Variants in CDH17 observed in about 807,000 individuals in gnomAD.
CDH17 encodes cadherin 17.
CDH17 carries 67 observed loss-of-function variants against 86.3 expected under a neutral mutation model. That is an observed-to-expected ratio of 0.78 (90% CI 0.64 to 0.95). The LOEUF (loss-of-function observed/expected upper bound fraction) is 0.95. CDH17 is among the 40% of genes least tolerant of loss of function. The pLI is 0.00. For missense variants in CDH17, 993 were observed against 1,017.6 expected (o/e 0.98, Z 0.33); for synonymous variants, 367 against 366.4 (o/e 1.00, Z -0.02).
chr8:94,133,304 T>G (rs915696148), intron 15 of CDH17, among the ~76,000 whole-genome samples: 1 of 152,206 alleles, frequency 6.6e-6, no homozygotes, highest in Non-Finnish European at 1.5e-5. Flanking sequence ...GAGCATGGAA[T>G]GTTCTTCCAT....
At chr8:94,216,566 T>TTC (rs1563596087) in intron 1 of CDH17, among the ~76,000 whole-genome samples, 1 of 149,836 alleles carries the variant, frequency 6.7e-6, no homozygotes, top group African/African-American at 2.5e-5. Flanking sequence ...AGGGTTTGTT[T>TTC]TTTTTTTTTT....
In CDH17 at chr8:94,128,213, T is replaced by A; in HGVS notation, c.*27A>T. On this transcript the variant is annotated 3_prime_UTR_variant, in exon 18 of 18. Transcript: ENST00000027335. ...GTTGTTGCTGAAATAGCACTTGCTA[T>A]ATAAATTCAAACATTCCTTTTCAAA... 6.9e-7 allele frequency: 1 copy of A among 1,449,960 alleles called. No homozygotes were observed. The highest frequency in any genetic ancestry group is 9.7e-7 in the Non-Finnish European group (1 of 1,032,532). 89.8% of individuals were successfully genotyped at this position (1,449,960 alleles called of 1,614,324 possible). A position where few individuals can be genotyped will look rare whatever the true frequency, so the allele number is the denominator to read the frequency against.
chr8:94,200,464 A>G (rs1413405298), intron 1 of CDH17, among the ~76,000 whole-genome samples: 4 of 149,090 alleles, frequency 2.7e-5, no homozygotes, highest in African/African-American at 9.8e-5. Flanking sequence ...TCAGACAGTT[A>G]CTACAGCAAT....
chr8:94,203,648 A>G (rs1586030250), intron 1 of CDH17, among the ~76,000 whole-genome samples: 1 of 152,228 alleles, frequency 6.6e-6, no homozygotes. Flanking sequence ...GAACCGCAGA[A>G]GCATCTGACC....
At chr8:94,128,460 C>G in intron 17 of CDH17, 120 bp from the exon 18 acceptor site, 2 of 657,352 alleles carry the variant, frequency 3.0e-6, no homozygotes, top group Non-Finnish European at 5.2e-6. Context: ...GTATGTGATT[C>G]AACAAAATTT....
chr8:94,191,101 C>T (rs1051481473), intron 2 of CDH17, among the ~76,000 whole-genome samples: 6 of 152,188 alleles, frequency 3.9e-5, no homozygotes, highest in African/African-American at 1.4e-4. Flanking sequence ...AGTTCTGGTT[C>T]ATGAAATGAG....
Position 94,133,995 on chromosome 8 carries a change from G to T in CDH17, c.2168-3003C>A, listed in dbSNP as rs1014188910. Among the ~76,000 whole-genome samples the T allele has an allele frequency of 2.0e-5, 3 of 152,186 alleles. No homozygotes were observed. The East Asian group carries it at 5.8e-4, about 29-fold the overall frequency. ...TATGTTGAACCAGCCTTGCATCCCA[G>T]GGATGAAGCCAACTTGATTGTGTTG... On this transcript the variant is annotated intron_variant, in intron 15 of 17. Coordinates refer to ENST00000027335, the MANE Select transcript of CDH17 (RefSeq NM_004063.4).
At chr8:94,188,636 T>C (rs1813626753) in intron 3 of CDH17, among the ~76,000 whole-genome samples, 1 of 152,236 alleles carries the variant, frequency 6.6e-6, no homozygotes. Flanking sequence ...GTCCCTTCCC[T>C]TATTCCCACC....
intron 3 of CDH17, among the ~76,000 whole-genome samples, chr8:94,180,678 G>A (rs1045121727): frequency 2.0e-5 from 3 of 152,040 alleles, no homozygotes; most frequent in Non-Finnish European, 2.9e-5. Context: ...GGGCAGTCAC[G>A]AGATTAGGAG....
chr8:94,145,701 G>A (rs1812727874), intron 15 of CDH17, among the ~76,000 whole-genome samples: 1 of 151,626 alleles, frequency 6.6e-6, no homozygotes, highest in African/African-American at 2.4e-5. Context: ...TCATCCAACT[G>A]TTCATCTACA....
At chr8:94,209,922 T>G (rs770607141), upstream of CDH17, among the ~76,000 whole-genome samples, 20 of 40,454 alleles carry the variant, frequency 4.9e-4, no homozygotes, top group South Asian at 6.9e-3. Flanking sequence ...AATTTATGAG[T>G]TTTTTTTTTT....
At chr8:94,208,958 C>T (rs1329199813), upstream of CDH17, among the ~76,000 whole-genome samples, 4 of 152,110 alleles carry the variant, frequency 2.6e-5, no homozygotes, top group Non-Finnish European at 5.9e-5. Flanking sequence ...ACACAAAAGA[C>T]GGAGCAGGGG....
At chr8:94,183,647 G>A (rs144893387) in intron 3 of CDH17, among the ~76,000 whole-genome samples, 10 of 151,938 alleles carry the variant, frequency 6.6e-5, no homozygotes, top group East Asian at 1.9e-4. Flanking sequence ...TTATGACCCC[G>A]AATGAGGAAA....
intron 9 of CDH17, among the ~76,000 whole-genome samples, chr8:94,167,567 A>G (rs78883387): frequency 0.022 from 3,346 of 152,258 alleles, 126 homozygotes; most frequent in African/African-American, 0.076. Flanking sequence ...GACAGAAGAG[A>G]ATATGTTTCT....
intron 3 of CDH17, among the ~76,000 whole-genome samples, chr8:94,179,225 C>T (rs751418193): frequency 5.7e-4 from 87 of 152,098 alleles, no homozygotes; most frequent in Non-Finnish European, 6.2e-4. Flanking sequence ...CATTATCTAT[C>T]CTGTTGGCAT....
chr8:94,170,804 G>A, intron 8 of CDH17, 50 bp downstream of exon 8: 2 of 1,573,108 alleles, frequency 1.3e-6, no homozygotes, highest in Non-Finnish European at 1.7e-6. Flanking sequence ...AACTGTAGAT[G>A]GGCATAGGAC....
chr8:94,205,594 A>G (rs1220295882), intron 1 of CDH17, among the ~76,000 whole-genome samples: 1 of 152,226 alleles, frequency 6.6e-6, no homozygotes, highest in Admixed American at 6.5e-5. Context: ...CTGTAATTAA[A>G]TCGTAACTGA....
chr8:94,141,338 T>TA (rs140332486), intron 15 of CDH17, among the ~76,000 whole-genome samples: 5,886 of 151,384 alleles, frequency 0.039, 391 homozygotes, highest in African/African-American at 0.13. Flanking sequence ...CGACCTACAA[T>TA]AAAAAACCTA....
At chr8:94,188,956 TGGGA>T (rs1190527396) in intron 3 of CDH17, among the ~76,000 whole-genome samples, 2 of 152,190 alleles carry the variant, frequency 1.3e-5, no homozygotes, top group Non-Finnish European at 2.9e-5. Flanking sequence ...TGCAGAGGGC[TGGGA>T]GCACTCGCCC....
Sources: gnomAD v4.1 joint callset for allele counts (sites outside exome capture counted in the v4.1 genomes callset) on GRCh38, gnomAD v4.1.1 for gene constraint, MANE v1.5 for transcripts, NCBI Gene and HGNC (gene_info 2026-07-23, HGNC 2026-07-21) for gene names.